Variants in ZBTB46 observed in about 807,000 individuals in gnomAD.
ZBTB46 encodes zinc finger and BTB domain-containing protein 46.
ZBTB46 carries 8 observed loss-of-function variants against 44.1 expected under a neutral mutation model. The ratio of observed to expected loss-of-function variants is 0.18; its 90% CI spans 0.11 to 0.33. The LOEUF (loss-of-function observed/expected upper bound fraction) is 0.33. Among genes scored for constraint, ZBTB46 ranks in the 10% least tolerant of loss-of-function variants. The pLI, the probability that ZBTB46 is intolerant of heterozygous loss-of-function variation, is 1.00. For synonymous variants in ZBTB46, 409 were observed against 382.3 expected (o/e 1.07, Z -0.81); for missense variants, 651 against 847.7 (o/e 0.77, Z 2.88).
chr20:63,782,145 T>A (rs2092475789), intron 2 of ZBTB46, among the ~76,000 whole-genome samples: 1 of 150,286 alleles, frequency 6.7e-6, no homozygotes, highest in African/African-American at 2.4e-5. Context: ...GGCTACTGTA[T>A]GCAAACCCCC....
At chr20:63,832,088 G>A (rs1490872829), upstream of ZBTB46, among the ~76,000 whole-genome samples, 1 of 151,840 alleles carries the variant, frequency 6.6e-6, no homozygotes, top group African/African-American at 2.4e-5. The surrounding 1 kb of genome is among the most constrained non-coding windows in gnomAD (Gnocchi z 5.0). Flanking sequence ...GTTGTCTGCG[G>A]GGGACGAATG....
At chr20:63,773,705 T>C (rs2092395766) in intron 3 of ZBTB46, among the ~76,000 whole-genome samples, 1 of 148,758 alleles carries the variant, frequency 6.7e-6, no homozygotes, top group East Asian at 2.0e-4. Flanking sequence ...GAGGGGAGGG[T>C]AGTGAGGGAG....
chr20:63,779,059 C>T (rs557839564), intron 2 of ZBTB46, among the ~76,000 whole-genome samples: 13 of 152,156 alleles, frequency 8.5e-5, no homozygotes, highest in East Asian at 7.7e-4. Flanking sequence ...TGTGTGCTCA[C>T]GAGCGTGTTC....
rs575134389 is a variant in ZBTB46, at chr20:63,767,636, C to A, written c.1222+8042G>T. Among the ~76,000 whole-genome samples the A allele has an allele frequency of 6.6e-6, 1 of 152,224 alleles. No individual in the cohort carries two copies. The highest frequency in any genetic ancestry group is 1.5e-5 in the Non-Finnish European group (1 of 68,038). On this transcript the variant is annotated intron_variant, in intron 3 of 4. Transcript: ENST00000245663. The surrounding 1 kb of genome is among the most constrained non-coding windows in gnomAD (Gnocchi z 5.0). ...AGGTCAAAGCAAACGCCGGCTCCAG[C>A]GCACAGACCAGAGGCACCCGCAGTT...
intron 1 of ZBTB46, among the ~76,000 whole-genome samples, chr20:63,810,204 T>C (rs908784722): frequency 6.6e-6 from 1 of 152,118 alleles, no homozygotes; most frequent in Non-Finnish European, 1.5e-5. Context: ...AGCACTGCTA[T>C]GGCTAACAGT....
intron 3 of ZBTB46, among the ~76,000 whole-genome samples, chr20:63,768,365 C>A (rs986576247): frequency 1.3e-5 from 2 of 152,094 alleles, no homozygotes; most frequent in Non-Finnish European, 2.9e-5. Flanking sequence ...CCGAGGCAGG[C>A]GGATCACCTG....
intron 1 of ZBTB46, among the ~76,000 whole-genome samples, chr20:63,815,663 A>AAG (rs2092747652): frequency 9.3e-6 from 1 of 107,806 alleles, no homozygotes; most frequent in Non-Finnish European, 1.9e-5. Context: ...AGGTGCAGTG[A>AAG]GTGCAGGTGG....
rs1463778550 is a variant in ZBTB46 at position 63,790,632 on chromosome 20, G to A, written c.126C>T (p.Phe42=). 2.5e-6 allele frequency: 4 copies of A among 1,611,732 alleles called. No homozygotes were observed. Among genetic ancestry groups the A allele is most frequent in the East Asian group, 2.2e-5 (1 of 44,884 alleles). The change falls in exon 2 of 5, where the codon TTC becomes TTT. Residue 42 remains phenylalanine, a synonymous_variant. Coordinates refer to ENST00000245663, the MANE Select transcript of ZBTB46 (RefSeq NM_001369741.1). ...CCAGCAGGACGTTCTTGTGCGCCTTGAAGACCTTGCCCTCCACGACCACGC... is the reference window on the plus strand; with the variant it reads ...CCAGCAGGACGTTCTTGTGCGCCTTAAAGACCTTGCCCTCCACGACCACGC... ...DVCVVVEGKV[F]KAHKNVLLGS...
At chr20:63,832,127 C>T (rs2092855376), upstream of ZBTB46, among the ~76,000 whole-genome samples, 1 of 152,012 alleles carries the variant, frequency 6.6e-6, no homozygotes, top group East Asian at 1.9e-4. This position sits in a 1 kb window ranked among gnomAD's most constrained non-coding sequence, Gnocchi z 5.0. Flanking sequence ...AACCAGCGGC[C>T]CGGGCCTCGC....
At chr20:63,819,923 A>C (rs934714728) in intron 1 of ZBTB46, among the ~76,000 whole-genome samples, 1 of 152,236 alleles carries the variant, frequency 6.6e-6, no homozygotes, top group Non-Finnish European at 1.5e-5. Flanking sequence ...ACAAGTCTAC[A>C]TACAAACTAA....
At chr20:63,791,739 G>C (rs2092562787) in intron 1 of ZBTB46, among the ~76,000 whole-genome samples, 1 of 152,118 alleles carries the variant, frequency 6.6e-6, no homozygotes, top group Non-Finnish European at 1.5e-5. Flanking sequence ...CTGGTCTCTG[G>C]GTCCCCCTCA....
intron 3 of ZBTB46, chr20:63,775,442 C>CCCGCCGCGCTCACAA: frequency 2.2e-6 from 1 of 454,626 alleles, no homozygotes. Flanking sequence ...TGCTCCCCTG[C>CCCGCCGCGCTCACAA]CCGCCGCGCT....
chr20:63,769,334 T>TGGA, intron 3 of ZBTB46: 1 of 985,034 alleles, frequency 1.0e-6, no homozygotes. Flanking sequence ...GGGTGGAGGG[T>TGGA]GGAGGGGCTT....
intron 1 of ZBTB46, among the ~76,000 whole-genome samples, chr20:63,805,171 G>A (rs1290187812): frequency 6.6e-6 from 1 of 151,902 alleles, no homozygotes; most frequent in East Asian, 1.9e-4. Context: ...CGCCCACCTC[G>A]GCCTCCCAAA....
chr20:63,832,611 A>AC (rs2092857862), upstream of ZBTB46, among the ~76,000 whole-genome samples: 1 of 152,120 alleles, frequency 6.6e-6, no homozygotes, highest in South Asian at 2.1e-4. This position sits in a 1 kb window ranked among gnomAD's most constrained non-coding sequence, Gnocchi z 5.0. Flanking sequence ...ACACTCCCTT[A>AC]CTGCCGTCGC....
At position 63,746,884 on chromosome 20, in the gene ZBTB46, CG is replaced by C; in HGVS notation, c.*45del. ...AGTGGAGACCCACCGGACACACACA[CG>C]GGTGGACGGAGCGAGGCAGCCACCG... On this transcript the variant is annotated 3_prime_UTR_variant, in exon 5 of 5. Coordinates refer to ENST00000245663, the MANE Select transcript of ZBTB46 (RefSeq NM_001369741.1). The C allele has an allele frequency of 2.0e-6, 3 of 1,473,858 alleles. No individual in the cohort carries two copies. The highest frequency in any genetic ancestry group is 2.7e-6 in the Non-Finnish European group (3 of 1,113,754). 91.3% of individuals were successfully genotyped at this position (1,473,858 alleles called of 1,614,324 possible).
At chr20:63,810,952 ACT>A (rs1480488471) in intron 1 of ZBTB46, among the ~76,000 whole-genome samples, 2 of 151,358 alleles carry the variant, frequency 1.3e-5, no homozygotes, top group Non-Finnish European at 2.9e-5. Context: ...TCCAGGCTCC[ACT>A]CTCTTTCCTC....
chr20:63,763,883 C>T (rs2092296990), intron 3 of ZBTB46, among the ~76,000 whole-genome samples: 1 of 152,128 alleles, frequency 6.6e-6, no homozygotes. Flanking sequence ...TTTAAAAATC[C>T]CCCAAATTAT....
chr20:63,794,336 T>G (rs1434273328), intron 1 of ZBTB46, among the ~76,000 whole-genome samples: 1 of 152,008 alleles, frequency 6.6e-6, no homozygotes, highest in African/African-American at 2.4e-5. Context: ...GGACCACAGG[T>G]GCACACCCCA....
Sources: gnomAD v4.1 joint callset for allele counts (sites outside exome capture counted in the v4.1 genomes callset) on GRCh38, gnomAD v4.1.1 for gene constraint, Gnocchi (gnomAD v3.1) non-coding constraint, MANE v1.5 for transcripts, NCBI Gene and HGNC (gene_info 2026-07-23, HGNC 2026-07-21) for gene names.